ADGRD2: variants seen among roughly 807,000 people sequenced by gnomAD.
The protein encoded by ADGRD2 is G protein-coupled receptor PGR24.
Under a neutral mutation model 44.4 loss-of-function variants are expected in ADGRD2, and 71 were observed. That is an observed-to-expected ratio of 1.60 (90% confidence interval 1.32 to 1.95). The LOEUF is 1.95. ADGRD2 is among the 30% of genes most tolerant of loss of function. ADGRD2 has a pLI of 0.00. For synonymous variants in ADGRD2, 481 were observed against 224.8 expected (o/e 2.14, Z -10.19); for missense variants, 1,039 against 512.4 (o/e 2.03, Z -9.92).
At chr9:124,468,557 C>G in exon 14 of ADGRD2, 1 of 718,650 alleles carries the variant, frequency 1.4e-6, no homozygotes, top group Non-Finnish European at 2.6e-6. Context: ...TGCACTTCCT[C>G]TTTCTGGTGG....
At chr9:124,452,412 C>T (rs995781427) in intron 1 of ADGRD2, 98 bp from the exon 5 acceptor site, 5 of 704,958 alleles carry the variant, frequency 7.1e-6, no homozygotes, top group Non-Finnish European at 1.3e-5. Context: ...CCATCCAGCC[C>T]GAATGACTCC....
intron 6 of ADGRD2, 81 bp from the exon 10 acceptor site, chr9:124,456,541 G>A: frequency 1.4e-6 from 1 of 699,830 alleles, no homozygotes; most frequent in Non-Finnish European, 2.7e-6. Flanking sequence ...CCCAGATCAT[G>A]GAGCATTTAT....
chr9:124,453,062 T>G (rs767646434), exon 3 of ADGRD2: 1 of 675,896 alleles, frequency 1.5e-6, no homozygotes, highest in African/African-American at 1.8e-5. Flanking sequence ...GTGCTGGTGT[T>G]CGACGAGAGG....
Position 124,466,295 on chromosome 9 carries a change from CA to C in ADGRD2, c.1909del (p.Gly639ValfsTer47). 1 of 713,778 alleles carries C rather than the reference CA, an allele frequency of 1.4e-6. No individual in the cohort carries two copies. Among genetic ancestry groups the C allele is most frequent in the Middle Eastern group, 2.3e-4 (1 of 4,340 alleles). The allele number at this position is 713,778 out of a possible 1,614,324, so 44.2% of individuals were successfully genotyped here. A position where few individuals can be genotyped will look rare whatever the true frequency, so the allele number is the denominator to read the frequency against. The stretch of plus-strand genomic sequence containing the variant: ...CCTCCCCATCCCCCAAGCCCATATA[CA>C]GGGGGTGCCTGGGCCACCACAGGCT... On this transcript the variant is annotated frameshift_variant, in exon 11 of 22. Transcript: ENST00000334810. LOFTEE classifies it high-confidence loss of function.
At chr9:124,453,636 C>T (rs1338679495) in exon 3 of ADGRD2, 2 of 701,182 alleles carry the variant, frequency 2.9e-6, no homozygotes, top group South Asian at 1.5e-5. Context: ...ACGTCACGCC[C>T]TCGCTGCTGC....
intron 10 of ADGRD2, among the ~76,000 whole-genome samples, chr9:124,460,864 C>G (rs1281510236): frequency 6.6e-6 from 1 of 152,128 alleles, no homozygotes. Flanking sequence ...ATTTTAACTT[C>G]CTAAGAGACT....
At chr9:124,452,995 A>T in intron 2 of ADGRD2, 40 bp from the exon 6 acceptor site, 1 of 626,194 alleles carries the variant, frequency 1.6e-6, no homozygotes, top group Admixed American at 2.5e-5. Context: ...CCATGTGCAC[A>T]GGTGAGGAAA....
intron 16 of ADGRD2, among the ~76,000 whole-genome samples, chr9:124,469,767 G>A (rs540677168): frequency 1.3e-5 from 2 of 152,384 alleles, no homozygotes; most frequent in South Asian, 4.1e-4. Context: ...GCACCCATGC[G>A]TGTCACATGT....
intron 10 of ADGRD2, among the ~76,000 whole-genome samples, chr9:124,464,399 A>G (rs1398427206): frequency 6.6e-6 from 1 of 152,188 alleles, no homozygotes; most frequent in African/African-American, 2.4e-5. Flanking sequence ...GAGCCATGCA[A>G]AGCATGGCGC....
exon 3 of ADGRD2, chr9:124,453,415 G>A (rs925844719): frequency 8.1e-6 from 5 of 617,236 alleles, no homozygotes; most frequent in Non-Finnish European, 1.1e-5. Flanking sequence ...GCTGGGCGCC[G>A]GCCACCCGGT....
intron 17 of ADGRD2, among the ~76,000 whole-genome samples, chr9:124,472,698 G>A (rs2131258711): frequency 6.6e-6 from 1 of 152,140 alleles, no homozygotes; most frequent in South Asian, 2.1e-4. Flanking sequence ...GTGGAGACGG[G>A]GGTCTCACCA....
chr9:124,460,425 T>TCGC (rs1373164242), intron 10 of ADGRD2, among the ~76,000 whole-genome samples: 1 of 150,958 alleles, frequency 6.6e-6, no homozygotes, highest in Non-Finnish European at 1.5e-5. Flanking sequence ...TCCATGTTGA[T>TCGC]CAGGCTGGTC....
chr9:124,452,708 G>A (rs1484098866), exon 2 of ADGRD2: 1 of 714,114 alleles, frequency 1.4e-6, no homozygotes, highest in South Asian at 1.5e-5. Context: ...CCTCTGCGGA[G>A]ACCCCCACAG....
At chr9:124,472,463 GTTTGTTTT>G (rs1564143686) in intron 17 of ADGRD2, among the ~76,000 whole-genome samples, 6 of 128,292 alleles carry the variant, frequency 4.7e-5, no homozygotes, top group East Asian at 2.4e-4. Context: ...TTTGTTTTTT[GTTTGTTTT>G]TTGTTTTTGT....
chr9:124,453,115 C>G (rs1383879872), exon 3 of ADGRD2: 1 of 701,118 alleles, frequency 1.4e-6, no homozygotes, highest in African/African-American at 1.7e-5. Flanking sequence ...TCTGCCTGAG[C>G]TGGCAGCGCT....
At chr9:124,476,761 C>A in intron 21 of ADGRD2, 52 bp downstream of exon 24, 3 of 678,412 alleles carry the variant, frequency 4.4e-6, no homozygotes, top group South Asian at 3.1e-5. Context: ...GCCTGGACAC[C>A]CCCTAAGCCC....
At chr9:124,477,812 C>T (rs1832076217) in intron 21 of ADGRD2, among the ~76,000 whole-genome samples, 1 of 152,038 alleles carries the variant, frequency 6.6e-6, no homozygotes, top group Non-Finnish European at 1.5e-5. Context: ...CCACCTGCCC[C>T]GCCCCCACCC....
chr9:124,454,038 G>A lies in ADGRD2; in HGVS notation c.965G>A (p.Arg322His), dbSNP rs981292059. The change falls in exon 4 of 22, where the codon CGC becomes CAC. Residue 322 changes from arginine to histidine, a missense_variant. Coordinates refer to ENST00000334810, the Ensembl canonical transcript of ADGRD2. The surrounding 1 kb of genome is among the most constrained non-coding windows in gnomAD (Gnocchi z 4.5). ...TGCCCTACGTGGAACCCGGGACCTC[G>A]CAGTGAGGGCTCTGAGCTCTGCCTG... 4.1e-5 allele frequency: 29 copies of A among 713,604 alleles called. No individual in the cohort carries two copies. In the Admixed American group the frequency reaches 5.5e-4, roughly 13 times the overall value. 44.2% of individuals were successfully genotyped at this position (713,604 alleles called of 1,614,324 possible).
At chr9:124,469,588 GCA>G (rs1831905748) in intron 16 of ADGRD2, 41 bp downstream of exon 19, 2 of 713,612 alleles carry the variant, frequency 2.8e-6, no homozygotes, top group Admixed American at 2.0e-5. Context: ...AGCAGGAAGT[GCA>G]CAGTCAGCCG....
Sources: gnomAD v4.1 joint callset for allele counts (sites outside exome capture counted in the v4.1 genomes callset) on GRCh38, gnomAD v4.1.1 for gene constraint, Gnocchi (gnomAD v3.1) non-coding constraint, MANE v1.5 for transcripts, NCBI Gene and HGNC (gene_info 2026-07-23, HGNC 2026-07-21) for gene names.